PRKN: variants seen among roughly 807,000 people sequenced by gnomAD.
The protein encoded by PRKN is E3 ubiquitin-protein ligase parkin.
Under a neutral mutation model 59.5 loss-of-function variants are expected in PRKN, and 56 were observed. The ratio of observed to expected loss-of-function variants is 0.94; its 90% CI spans 0.76 to 1.18. The LOEUF is 1.18. PRKN is among the 50% of genes most tolerant of loss of function. The probability of loss-of-function intolerance (pLI) is 0.00; values close to 1 mark genes in which losing one functional copy is unlikely to be tolerated. For synonymous variants in PRKN, 250 were observed against 222.1 expected, an observed-to-expected ratio of 1.13 and a Z score of -1.12; for missense variants, 657 against 596.4, an observed-to-expected ratio of 1.10 and a Z score of -1.06.
rs1009111505 is a variant in PRKN, at chr6:161,372,766, A to T, written c.1168-12561T>A. On this transcript the variant is annotated intron_variant, in intron 10 of 11. Coordinates refer to ENST00000366898, the MANE Select transcript of PRKN (RefSeq NM_004562.3). This position sits in a 1 kb window ranked among gnomAD's most constrained non-coding sequence, Gnocchi z 4.2. ...ATGTCGCTAGCCTGCAGAGCTTCGG[A>T]GAACTACTGCTCGCAGAAGGTCTAC... Among the ~76,000 whole-genome samples the T allele has an allele frequency of 6.6e-6, 1 of 151,730 alleles. No individual in the cohort carries two copies. Among genetic ancestry groups the T allele is most frequent in the African/African-American group, 2.4e-5 (1 of 41,262 alleles).
At chr6:161,655,305 C>T (rs1242326926) in intron 7 of PRKN, among the ~76,000 whole-genome samples, 1 of 151,776 alleles carries the variant, frequency 6.6e-6, no homozygotes, top group African/African-American at 2.4e-5. Flanking sequence ...CACCAAGGTG[C>T]ACTGTCACAG....
intron 1 of PRKN, among the ~76,000 whole-genome samples, chr6:162,529,262 T>A (rs1262598659): frequency 2.3e-5 from 3 of 128,506 alleles, no homozygotes; most frequent in African/African-American, 7.5e-5. Flanking sequence ...AATGAATGTA[T>A]AAAAATACTT....
At chr6:162,634,855 C>T (rs2128223301) in intron 1 of PRKN, among the ~76,000 whole-genome samples, 1 of 152,274 alleles carries the variant, frequency 6.6e-6, no homozygotes, top group South Asian at 2.1e-4. Flanking sequence ...ATCTCTTGAC[C>T]TCATGATCCA....
In PRKN at chr6:162,205,191, C is replaced by T. The variant is rs370598531; in HGVS notation, c.413-3939G>A. ...CATCTTCTTCTTTAGTTTTCTCTCA[C>T]GCTTTGCCTAACAGAACCCTCAGTC... On this transcript the variant is annotated intron_variant, in intron 3 of 11. Transcript: ENST00000366898. Among the ~76,000 whole-genome samples the T allele has an allele frequency of 5.3e-5, 8 of 152,230 alleles. No individual in the cohort carries two copies. The East Asian group carries it at 7.7e-4, about 15-fold the overall frequency.
At chr6:162,389,663 C>T (rs1204009456) in intron 2 of PRKN, among the ~76,000 whole-genome samples, 1 of 152,102 alleles carries the variant, frequency 6.6e-6, no homozygotes, top group African/African-American at 2.4e-5. Context: ...CTGTATAAAC[C>T]AGACATTAAT....
intron 5 of PRKN, among the ~76,000 whole-genome samples, chr6:162,001,847 C>CTTTTTTTTTTTTTTTTTTTTT (rs35789599): frequency 8.6e-6 from 1 of 116,628 alleles, no homozygotes; most frequent in African/African-American, 3.3e-5. Flanking sequence ...TTGCAAATAG[C>CTTTTTTTTTTTTTTTTTTTTT]TTTTTTTTTT....
intron 1 of PRKN, among the ~76,000 whole-genome samples, chr6:162,535,745 C>T (rs536922507): frequency 6.6e-6 from 1 of 151,540 alleles, no homozygotes; most frequent in East Asian, 2.0e-4. Flanking sequence ...CCCTTTTTAC[C>T]AAAAATAGAA....
chr6:162,102,810 G>A (rs942503461), intron 4 of PRKN, among the ~76,000 whole-genome samples: 9 of 144,528 alleles, frequency 6.2e-5, no homozygotes, highest in African/African-American at 2.3e-4. Context: ...TTGGGAGGCC[G>A]AGGCAGGCGG....
intron 6 of PRKN, among the ~76,000 whole-genome samples, chr6:161,936,785 C>T (rs1779373878): frequency 7.4e-6 from 1 of 135,182 alleles, no homozygotes; most frequent in Non-Finnish European, 1.6e-5. Flanking sequence ...ATTTTTGTTT[C>T]ATATTTTTTT....
intron 5 of PRKN, among the ~76,000 whole-genome samples, chr6:162,036,860 G>T (rs918567611): frequency 6.6e-6 from 1 of 151,970 alleles, no homozygotes; most frequent in Non-Finnish European, 1.5e-5. Context: ...TATCTATACC[G>T]TGCAATTATA....
rs1185584562 is a variant in PRKN, at chr6:161,360,746, AG to A, written c.1168-542del. 6.6e-6 allele frequency among the ~76,000 whole-genome samples: 1 copy of A among 152,200 alleles called. No individual in the cohort carries two copies. The highest frequency in any genetic ancestry group is 1.5e-5 in the Non-Finnish European group (1 of 68,028). On this transcript the variant is annotated intron_variant, in intron 10 of 11. Transcript: ENST00000366898. This position sits in a 1 kb window ranked among gnomAD's most constrained non-coding sequence, Gnocchi z 5.1. ...CAAATGTTGTCACAGAAGGGACAGG[AG>A]CAAGAACAGGAAATGAAGTCGATGT...
intron 6 of PRKN, among the ~76,000 whole-genome samples, chr6:161,836,186 G>A (rs929749361): frequency 6.6e-6 from 1 of 152,128 alleles, no homozygotes. Flanking sequence ...AGCCTCAGTA[G>A]TTCTGGTCTC....
At position 162,638,553 on chromosome 6, in the gene PRKN, T is replaced by C. The variant is rs188000196; in HGVS notation, c.7+89109A>G. 3.5e-3 allele frequency among the ~76,000 whole-genome samples: 540 copies of C among 152,280 alleles called. 1 individual carries two copies. The highest frequency in any genetic ancestry group is 6.1e-3 in the Non-Finnish European group (413 of 68,026). ...CAAGTCTAAAGCAATGGTCTTCATG[T>C]TAGCTTCTCTATCTTCAGTTTTCCT... On this transcript the variant is annotated intron_variant, in intron 1 of 11. Coordinates refer to ENST00000366898, the MANE Select transcript of PRKN (RefSeq NM_004562.3).
chr6:162,464,911 T>C (rs1791348196), intron 1 of PRKN, among the ~76,000 whole-genome samples: 1 of 151,930 alleles, frequency 6.6e-6, no homozygotes, highest in South Asian at 2.1e-4. Context: ...TCCTCCTTCT[T>C]AATAAATATT....
In PRKN at chr6:161,371,969, A is replaced by G. The variant is rs979273197; in HGVS notation, c.1168-11764T>C. ...GGGCATTTTTGACAATGATTCTAAC[A>G]GTGGTGATTTCTGCTAGGAGTGGAA... On this transcript the variant is annotated intron_variant, in intron 10 of 11. Coordinates refer to ENST00000366898, the MANE Select transcript of PRKN (RefSeq NM_004562.3). This position sits in a 1 kb window ranked among gnomAD's most constrained non-coding sequence, Gnocchi z 5.5. Among the ~76,000 whole-genome samples the G allele has an allele frequency of 6.6e-6, 1 of 152,174 alleles. No individual in the cohort carries two copies. The highest frequency in any genetic ancestry group is 2.4e-5 in the African/African-American group (1 of 41,440).
intron 1 of PRKN, among the ~76,000 whole-genome samples, chr6:162,638,645 C>T (rs1472717339): frequency 2.6e-5 from 4 of 151,814 alleles, no homozygotes; most frequent in Non-Finnish European, 5.9e-5. Flanking sequence ...TGTCATTCTT[C>T]CATAAAAAAC....
chr6:162,611,305 T>C (rs1782136582), intron 1 of PRKN, among the ~76,000 whole-genome samples: 1 of 152,184 alleles, frequency 6.6e-6, no homozygotes, highest in Non-Finnish European at 1.5e-5. Context: ...ATTTGGATGA[T>C]AGAATAAGAA....
rs1248512835 is a variant in PRKN, at chr6:161,463,999, G to T, written c.1084-77122C>A. Among the ~76,000 whole-genome samples, 1 of 152,004 alleles carries T rather than the reference G, an allele frequency of 6.6e-6. No individual in the cohort carries two copies. Among genetic ancestry groups the T allele is most frequent in the Non-Finnish European group, 1.5e-5 (1 of 68,010 alleles). ...TTTTTTGAGAAGGAGTTTCGCTCTT[G>T]TTGCCCAGGCTGAAGTGCAATGGTG... On this transcript the variant is annotated intron_variant, in intron 9 of 11. Transcript: ENST00000366898. This position sits in a 1 kb window ranked among gnomAD's most constrained non-coding sequence, Gnocchi z 4.8.
intron 5 of PRKN, among the ~76,000 whole-genome samples, chr6:162,000,775 T>C (rs1031186302): frequency 4.6e-5 from 7 of 152,092 alleles, no homozygotes; most frequent in Admixed American, 2.6e-4. Flanking sequence ...CGGAGTCTTA[T>C]AGTTCTGCAC....
Sources: gnomAD v4.1 joint callset for allele counts (sites outside exome capture counted in the v4.1 genomes callset) on GRCh38, gnomAD v4.1.1 for gene constraint, Gnocchi (gnomAD v3.1) non-coding constraint, MANE v1.5 for transcripts, NCBI Gene and HGNC (gene_info 2026-07-23, HGNC 2026-07-21) for gene names.